Variants in DENND2A observed in about 807,000 individuals in gnomAD.
The protein encoded by DENND2A is DENN domain containing 2A, also known as DENN domain-containing protein 2A.
DENND2A carries 53 observed loss-of-function variants against 105.3 expected under a neutral mutation model. The observed-to-expected ratio is 0.50, with a 90% CI of 0.40 to 0.63. DENND2A has a LOEUF of 0.63. DENND2A is among the 30% of genes least tolerant of loss of function. DENND2A has a pLI of 0.00. For synonymous variants in DENND2A, 522 were observed against 508.4 expected, an observed-to-expected ratio of 1.03 and a Z score of -0.36; for missense variants, 1,138 against 1,279.6, an observed-to-expected ratio of 0.89 and a Z score of 1.69.
chr7:140,582,203 G>A (rs1798575017), intron 5 of DENND2A, among the ~76,000 whole-genome samples: 1 of 152,130 alleles, frequency 6.6e-6, no homozygotes, highest in Non-Finnish European at 1.5e-5. Flanking sequence ...GACCTCAGGT[G>A]ATCCACCCGC....
intron 1 of DENND2A, among the ~76,000 whole-genome samples, chr7:140,607,025 C>T (rs924946582): frequency 1.3e-5 from 2 of 152,190 alleles, no homozygotes; most frequent in Non-Finnish European, 2.9e-5. Flanking sequence ...AAGGCATGAA[C>T]ACCAGCTGGT....
chr7:140,545,137 G>A (rs1051767236), intron 13 of DENND2A, among the ~76,000 whole-genome samples: 2 of 152,010 alleles, frequency 1.3e-5, no homozygotes, highest in Admixed American at 1.3e-4. Context: ...TTTTGAAAAC[G>A]GTTCTGTCCC....
intron 1 of DENND2A, among the ~76,000 whole-genome samples, chr7:140,630,619 C>T (rs367544147): frequency 2.6e-5 from 4 of 151,908 alleles, no homozygotes; most frequent in African/African-American, 7.3e-5. Flanking sequence ...CCAAGGCGGG[C>T]GGATCATTTG....
At chr7:140,635,655 C>A (rs1800898555) in intron 1 of DENND2A, among the ~76,000 whole-genome samples, 1 of 152,176 alleles carries the variant, frequency 6.6e-6, no homozygotes, top group Non-Finnish European at 1.5e-5. Context: ...CCCCTTCCTT[C>A]CCCAAGGCCA....
At chr7:140,586,289 G>T (rs368908596) in intron 4 of DENND2A, among the ~76,000 whole-genome samples, 5 of 152,018 alleles carry the variant, frequency 3.3e-5, no homozygotes, top group South Asian at 2.1e-4. Context: ...GAGGCCGAAG[G>T]GGGTGGATCA....
At chr7:140,585,288 TA>T (rs2130644362) in intron 5 of DENND2A, among the ~76,000 whole-genome samples, 1 of 152,260 alleles carries the variant, frequency 6.6e-6, no homozygotes, top group African/African-American at 2.4e-5. Flanking sequence ...TATCTTAGAG[TA>T]TGCTCTATGT....
intron 6 of DENND2A, among the ~76,000 whole-genome samples, chr7:140,572,055 G>A (rs189370619): frequency 6.4e-4 from 97 of 152,212 alleles, no homozygotes; most frequent in Admixed American, 6.1e-3. Flanking sequence ...TTAGGCTGGA[G>A]TGCAGTGGCA....
chr7:140,525,311 T>C (rs1441447985), intron 16 of DENND2A, among the ~76,000 whole-genome samples: 3 of 151,994 alleles, frequency 2.0e-5, no homozygotes, highest in Non-Finnish European at 4.4e-5. Flanking sequence ...CCTGCCACCA[T>C]GCCTGGCTAA....
intron 14 of DENND2A, among the ~76,000 whole-genome samples, chr7:140,537,657 A>ATTTGTTTG (rs10653353): frequency 0.016 from 2,491 of 151,704 alleles, 70 homozygotes; most frequent in African/African-American, 0.057. Flanking sequence ...GGTGTTTTTC[A>ATTTGTTTG]TTTGTTTGTT....
intron 5 of DENND2A, 130 bp from the exon 6 acceptor site, chr7:140,574,138 A>C (rs1189235600): frequency 2.0e-6 from 2 of 1,017,408 alleles, no homozygotes; most frequent in Non-Finnish European, 2.9e-6. Context: ...GGTTAGGTGG[A>C]GTTTGGTTAT....
intron 6 of DENND2A, among the ~76,000 whole-genome samples, chr7:140,570,513 G>A (rs931940592): frequency 3.3e-5 from 5 of 152,302 alleles, no homozygotes; most frequent in East Asian, 1.9e-4. Flanking sequence ...GGTGAGAACC[G>A]GGATTAGAAC....
intron 1 of DENND2A, among the ~76,000 whole-genome samples, chr7:140,634,024 A>G (rs1227816498): frequency 6.7e-6 from 1 of 148,664 alleles, no homozygotes; most frequent in Non-Finnish European, 1.5e-5. Context: ...TCCGAGACAG[A>G]GTCTCGCTCT....
At chr7:140,551,689 G>A (rs1230506167) in intron 12 of DENND2A, among the ~76,000 whole-genome samples, 1 of 152,168 alleles carries the variant, frequency 6.6e-6, no homozygotes, top group Admixed American at 6.5e-5. Context: ...TATTACTATA[G>A]CAATTGTTAA....
At chr7:140,619,651 C>G (rs1243462238) in intron 1 of DENND2A, among the ~76,000 whole-genome samples, 2 of 151,976 alleles carry the variant, frequency 1.3e-5, no homozygotes, top group Admixed American at 6.6e-5. Flanking sequence ...AAGCGTGCAC[C>G]ACCATGCCCA....
chr7:140,518,561 G>A lies in DENND2A; in HGVS notation c.*146C>T, dbSNP rs1795740109. 3 of 758,320 alleles carry A rather than the reference G, an allele frequency of 4.0e-6. No individual in the cohort carries two copies. The South Asian group carries it at 6.6e-5, about 17-fold the overall frequency. The allele number at this position is 758,320 out of a possible 1,614,324, so 47.0% of individuals were successfully genotyped here. On this transcript the variant is annotated 3_prime_UTR_variant, in exon 20 of 20. Coordinates refer to ENST00000496613, the MANE Select transcript of DENND2A (RefSeq NM_015689.5). ...GGCGGCTCCCAGGTCCTCATCCAGG[G>A]AAGAGCCCAGCCTCGGCCAGAAGCC...
chr7:140,556,777 A>G (rs1314724604), intron 11 of DENND2A, among the ~76,000 whole-genome samples: 1 of 152,218 alleles, frequency 6.6e-6, no homozygotes, highest in Non-Finnish European at 1.5e-5. Context: ...GCCACGCATT[A>G]TACTTGACCC....
intron 14 of DENND2A, among the ~76,000 whole-genome samples, chr7:140,529,466 AAT>A (rs768683159): frequency 2.0e-5 from 3 of 152,336 alleles, no homozygotes; most frequent in East Asian, 3.9e-4. Flanking sequence ...AAGGATTGTA[AAT>A]CATGCTGCTA....
intron 1 of DENND2A, among the ~76,000 whole-genome samples, chr7:140,632,602 C>A (rs958369196): frequency 2.6e-5 from 4 of 152,146 alleles, no homozygotes; most frequent in African/African-American, 9.7e-5. Context: ...GAGTTTAGCT[C>A]TAGTCAACCA....
intron 1 of DENND2A, among the ~76,000 whole-genome samples, chr7:140,638,688 G>T (rs1235451308): frequency 1.3e-5 from 2 of 152,070 alleles, no homozygotes; most frequent in African/African-American, 4.8e-5. Context: ...CCCCTCACTG[G>T]CCTCTCCTAG....
Sources: gnomAD v4.1 joint callset for allele counts (sites outside exome capture counted in the v4.1 genomes callset) on GRCh38, gnomAD v4.1.1 for gene constraint, MANE v1.5 for transcripts, NCBI Gene and HGNC (gene_info 2026-07-23, HGNC 2026-07-21) for gene names.